Variants in SAMSN1 observed in about 807,000 individuals in gnomAD.
The protein encoded by SAMSN1 is SAM domain-containing protein SAMSN-1.
SAMSN1 carries 31 observed loss-of-function variants against 42.0 expected under a neutral mutation model. That is an observed-to-expected ratio of 0.74 (90% CI 0.55 to 1.00). SAMSN1 has a LOEUF of 1.00. Ranked by LOEUF, SAMSN1 falls within the 50% of genes least tolerant of loss-of-function variation. The pLI is 0.00. For missense variants in SAMSN1, 464 were observed against 439.4 expected (o/e 1.06, Z -0.50); for synonymous variants, 178 against 151.9 (o/e 1.17, Z -1.26).
At chr21:14,523,666 A>G (rs1215676982) in intron 1 of SAMSN1, among the ~76,000 whole-genome samples, 2 of 152,214 alleles carry the variant, frequency 1.3e-5, no homozygotes, top group Non-Finnish European at 2.9e-5. Flanking sequence ...ATTGGAGCCC[A>G]TGCCCAAGGC....
intron 2 of SAMSN1, among the ~76,000 whole-genome samples, chr21:14,637,013 G>A (rs917278389): frequency 6.6e-5 from 10 of 152,156 alleles, no homozygotes; most frequent in Non-Finnish European, 1.3e-4. Context: ...GTGAAGAGGA[G>A]AATTGATATT....
At chr21:14,558,818 A>T (rs1045171464) in intron 2 of SAMSN1, among the ~76,000 whole-genome samples, 3 of 152,194 alleles carry the variant, frequency 2.0e-5, no homozygotes, top group African/African-American at 7.2e-5. Context: ...ATTCTGTCCC[A>T]TGGCTTCAAC....
At chr21:14,620,038 G>A (rs998593411) in intron 2 of SAMSN1, among the ~76,000 whole-genome samples, 1 of 151,988 alleles carries the variant, frequency 6.6e-6, no homozygotes, top group Non-Finnish European at 1.5e-5. Flanking sequence ...GGAGAGAGGG[G>A]GAATTATAAT....
At chr21:14,532,935 G>A (rs1412156087) in intron 1 of SAMSN1, among the ~76,000 whole-genome samples, 3 of 151,660 alleles carry the variant, frequency 2.0e-5, no homozygotes, top group African/African-American at 4.8e-5. Flanking sequence ...TTGAGACAGG[G>A]TCTCTTGCTC....
chr21:14,491,241 G>A (rs1283356847), intron 7 of SAMSN1, among the ~76,000 whole-genome samples: 2 of 151,880 alleles, frequency 1.3e-5, no homozygotes, highest in African/African-American at 4.8e-5. Context: ...GAAGAGAGCA[G>A]GTGCAAGAAT....
chr21:14,547,454 G>T (rs185865694), upstream of SAMSN1, among the ~76,000 whole-genome samples: 202 of 152,208 alleles, frequency 1.3e-3, no homozygotes, highest in African/African-American at 4.7e-3. Flanking sequence ...AGAAGTAAAA[G>T]CAAAAAGTTC....
chr21:14,620,010 G>A lies in SAMSN1; in HGVS notation c.157-3994C>T, dbSNP rs558208121. Among the ~76,000 whole-genome samples the A allele has an allele frequency of 2.0e-5, 3 of 151,914 alleles. No homozygotes were observed. The South Asian group carries it at 6.2e-4, about 32-fold the overall frequency. On this transcript the variant is annotated intron_variant, in intron 2 of 15. Coordinates refer to the SAMSN1 transcript ENST00000647101. ...GAGAGTGATCTTCTTAGATTTTATGGCCTGCTTCAGGGTAGAAGGAGAGAG... is the reference window on the plus strand; with the variant it reads ...GAGAGTGATCTTCTTAGATTTTATGACCTGCTTCAGGGTAGAAGGAGAGAG...
upstream of SAMSN1, among the ~76,000 whole-genome samples, chr21:14,548,343 G>A (rs1245756765): frequency 6.6e-6 from 1 of 152,058 alleles, no homozygotes; most frequent in Non-Finnish European, 1.5e-5. Flanking sequence ...ACTCTAAAAA[G>A]GCATGAAGTT....
At chr21:14,505,046 T>C (rs1444456734) in intron 5 of SAMSN1, among the ~76,000 whole-genome samples, 2 of 152,176 alleles carry the variant, frequency 1.3e-5, no homozygotes, top group Non-Finnish European at 2.9e-5. Context: ...GACAAACAAA[T>C]GTTGAGAGAA....
chr21:14,513,161 C>T (rs1437995802), intron 3 of SAMSN1, among the ~76,000 whole-genome samples: 4 of 152,178 alleles, frequency 2.6e-5, no homozygotes, highest in Non-Finnish European at 5.9e-5. Context: ...AAAAGACAGA[C>T]AATTTCAAAA....
At chr21:14,510,220 CTG>C in intron 5 of SAMSN1, 88 bp downstream of exon 5, 2 of 1,234,140 alleles carry the variant, frequency 1.6e-6, no homozygotes, top group Non-Finnish European at 2.4e-6. Flanking sequence ...CACACTCACA[CTG>C]TCTTCCCACT....
At chr21:14,641,623 C>T (rs1983600630) in intron 2 of SAMSN1, among the ~76,000 whole-genome samples, 1 of 151,980 alleles carries the variant, frequency 6.6e-6, no homozygotes, top group African/African-American at 2.4e-5. Context: ...AAATAAGGCA[C>T]TGAATAAATG....
chr21:14,533,478 T>C (rs1325744623), intron 1 of SAMSN1, among the ~76,000 whole-genome samples: 1 of 152,224 alleles, frequency 6.6e-6, no homozygotes, highest in Non-Finnish European at 1.5e-5. Context: ...AAAATGTACC[T>C]GGAAGTGAAG....
At chr21:14,586,554 C>T (rs903447678), upstream of SAMSN1, among the ~76,000 whole-genome samples, 1 of 152,102 alleles carries the variant, frequency 6.6e-6, no homozygotes, top group Non-Finnish European at 1.5e-5. Flanking sequence ...AATATGAGAT[C>T]ACAGTTTTTA....
exon 7 of SAMSN1, chr21:14,594,036 C>T (rs1259656465): frequency 4.2e-6 from 3 of 715,742 alleles, no homozygotes; most frequent in Admixed American, 2.0e-5. Flanking sequence ...GTGGTCTCAA[C>T]ATGTCTTTGA....
At chr21:14,539,219 T>C (rs897541175) in intron 1 of SAMSN1, among the ~76,000 whole-genome samples, 8 of 152,190 alleles carry the variant, frequency 5.3e-5, no homozygotes, top group African/African-American at 7.2e-5. Flanking sequence ...ACAGACTTGC[T>C]ACAAAGAAAC....
At chr21:14,534,234 C>T (rs377745082) in intron 1 of SAMSN1, among the ~76,000 whole-genome samples, 17 of 152,292 alleles carry the variant, frequency 1.1e-4, no homozygotes, top group African/African-American at 3.8e-4. Flanking sequence ...TGAGAAATCA[C>T]TACTATGTTC....
At chr21:14,606,891 C>T (rs532221225) in intron 5 of SAMSN1, among the ~76,000 whole-genome samples, 4 of 152,126 alleles carry the variant, frequency 2.6e-5, no homozygotes, top group Non-Finnish European at 4.4e-5. Context: ...ATACATCAGA[C>T]AGAAATCTTA....
intron 1 of SAMSN1, among the ~76,000 whole-genome samples, chr21:14,526,965 A>T (rs1234035953): frequency 1.3e-5 from 2 of 152,212 alleles, no homozygotes; most frequent in Non-Finnish European, 2.9e-5. Context: ...ATGAAATCTC[A>T]TCTCCAGCAT....
Sources: allele counts gnomAD v4.1 joint callset (sites outside exome capture counted in the v4.1 genomes callset), GRCh38; gene constraint gnomAD v4.1.1; transcripts MANE v1.5; gene names NCBI Gene and HGNC (gene_info 2026-07-23, HGNC 2026-07-21).